Variants in RIIAD1 observed in about 807,000 individuals in gnomAD.
RIIAD1 encodes the protein regulatory subunit of type II PKA R-subunit domain containing 1.
RIIAD1 carries 15 observed loss-of-function variants against 13.3 expected under a neutral mutation model. The observed-to-expected ratio is 1.13, with a 90% CI of 0.76 to 1.74. RIIAD1 has a LOEUF of 1.74. RIIAD1 is among the 40% of genes most tolerant of loss of function. The probability of loss-of-function intolerance (pLI) is 0.00; values close to 1 mark genes in which losing one functional copy is unlikely to be tolerated. For missense variants in RIIAD1, 121 were observed against 112.2 expected (o/e 1.08, Z -0.35); for synonymous variants, 50 against 43.3 (o/e 1.16, Z -0.61).
intron 2 of RIIAD1, 26 bp from the exon 3 acceptor site, chr1:151,727,549 C>T: frequency 1.3e-6 from 2 of 1,504,798 alleles, no homozygotes; most frequent in South Asian, 1.2e-5. Flanking sequence ...ACTTTACCTC[C>T]CATCCTATCC....
upstream of RIIAD1, chr1:151,719,715 TAGTG>T: frequency 1.4e-6 from 1 of 695,628 alleles, no homozygotes; most frequent in Non-Finnish European, 2.6e-6. Context: ...CAATACATAA[TAGTG>T]AGTACTGAGA....
At chr1:151,727,669 G>C in intron 3 of RIIAD1, 48 bp downstream of exon 3, 1 of 1,311,740 alleles carries the variant, frequency 7.6e-7, no homozygotes, top group Non-Finnish European at 1.1e-6. Flanking sequence ...GCCAGCGCAG[G>C]GAGCATGATT....
At chr1:151,722,831 G>A (rs1192911681) in intron 2 of RIIAD1, among the ~76,000 whole-genome samples, 1 of 152,208 alleles carries the variant, frequency 6.6e-6, no homozygotes, top group African/African-American at 2.4e-5. Context: ...CTTGTGGAGT[G>A]TGTTTGTGTT....
intron 2 of RIIAD1, among the ~76,000 whole-genome samples, chr1:151,725,107 CTTTTTTTTTTT>C (rs71759600): frequency 1.2e-5 from 1 of 84,678 alleles, no homozygotes; most frequent in Non-Finnish European, 2.1e-5. Context: ...CGCACCTCGC[CTTTTTTTTTTT>C]TTTTTTTTTG....
At chr1:151,716,085 C>G in intron 4 of RIIAD1, 2 of 1,507,492 alleles carry the variant, frequency 1.3e-6, no homozygotes, top group Non-Finnish European at 1.8e-6. Flanking sequence ...GGGGAGCTGC[C>G]CAGCAAGGAG....
upstream of RIIAD1, among the ~76,000 whole-genome samples, chr1:151,721,215 C>T (rs1253029414): frequency 6.6e-6 from 1 of 152,220 alleles, no homozygotes; most frequent in Non-Finnish European, 1.5e-5. Context: ...CCTCTAGCTT[C>T]TGTCCAAGTG....
At chr1:151,727,668 G>A in intron 3 of RIIAD1, 47 bp downstream of exon 3, 1 of 1,321,194 alleles carries the variant, frequency 7.6e-7, no homozygotes, top group Non-Finnish European at 1.1e-6. Flanking sequence ...AGCCAGCGCA[G>A]GGAGCATGAT....
intron 3 of RIIAD1, chr1:151,728,537 C>T: frequency 2.0e-6 from 1 of 508,386 alleles, no homozygotes; most frequent in Non-Finnish European, 3.5e-6. Context: ...AGGCAGCCAG[C>T]CTCTGGGAGC....
intron 3 of RIIAD1, chr1:151,728,440 C>A: frequency 3.0e-6 from 1 of 338,886 alleles, no homozygotes; most frequent in South Asian, 4.4e-5. Flanking sequence ...GCTCTCTGTG[C>A]GTCAGCAGGC....
chr1:151,715,562 A>G (rs190114386), intron 4 of RIIAD1: 3 of 1,329,156 alleles, frequency 2.3e-6, no homozygotes, highest in East Asian at 8.4e-5. Flanking sequence ...TTATCTCCCA[A>G]ACCAGCTCTC....
chr1:151,728,508 CA>C, intron 3 of RIIAD1: 1 of 260,726 alleles, frequency 3.8e-6, no homozygotes, highest in Non-Finnish European at 6.2e-6. Context: ...GGGGTGGGGC[CA>C]GGCACAGCGT....
At chr1:151,721,682 C>A (rs1281199093) in intron 1 of RIIAD1, 62 bp downstream of exon 1, 2 of 1,041,606 alleles carry the variant, frequency 1.9e-6, no homozygotes, top group Admixed American at 3.9e-5. Context: ...GGACTGGGGC[C>A]CCAGACTGGG....
At chr1:151,724,525 T>G (rs1344051627) in intron 2 of RIIAD1, among the ~76,000 whole-genome samples, 2 of 152,222 alleles carry the variant, frequency 1.3e-5, no homozygotes, top group Non-Finnish European at 1.5e-5. Flanking sequence ...TCTGCAGATA[T>G]CTGCTGTTGA....
intron 2 of RIIAD1, among the ~76,000 whole-genome samples, chr1:151,712,359 C>A (rs1392437111): frequency 6.6e-6 from 1 of 152,268 alleles, no homozygotes; most frequent in Non-Finnish European, 1.5e-5. Context: ...CCTCACAGTT[C>A]TCACAAAATC....
intron 4 of RIIAD1, among the ~76,000 whole-genome samples, chr1:151,729,241 G>T (rs1325598133): frequency 6.6e-6 from 1 of 152,246 alleles, no homozygotes; most frequent in Non-Finnish European, 1.5e-5. Context: ...GTGTGACCTT[G>T]GTGGTGAGAG....
rs769033490 is a variant in RIIAD1 at position 151,722,164 on chromosome 1, T to G, written c.161+2T>G. 2 of 1,545,292 alleles carry G rather than the reference T, an allele frequency of 1.3e-6. No homozygotes were observed. Among genetic ancestry groups the G allele is most frequent in the South Asian group, 2.4e-5 (2 of 83,946 alleles). On this transcript the variant is annotated splice_donor_variant, in intron 2 of 4. Coordinates refer to ENST00000479191, the MANE Select transcript of RIIAD1 (RefSeq NM_001144956.3). LOFTEE classifies it high-confidence loss of function. ...GTGGCTCATAAGTGGTTTCTTCAGG[T>G]AGGTGGTTTTCCAGGCTCTGGGATT...
At chr1:151,727,327 C>A (rs2101515727) in intron 2 of RIIAD1, among the ~76,000 whole-genome samples, 1 of 152,282 alleles carries the variant, frequency 6.6e-6, no homozygotes, top group Admixed American at 6.5e-5. Context: ...TTGGCTGCAG[C>A]ACAGCTCTTT....
At chr1:151,715,640 C>G in intron 4 of RIIAD1, 1 of 1,495,654 alleles carries the variant, frequency 6.7e-7, no homozygotes, top group Non-Finnish European at 8.9e-7. Context: ...GGATCCACAT[C>G]TTTGCAGCCG....
Position 151,728,893 on chromosome 1 carries a change from G to C in RIIAD1, c.*57G>C, listed in dbSNP as rs924685847. 27 of 989,330 alleles carry C rather than the reference G, an allele frequency of 2.7e-5. No homozygotes were observed. The highest frequency in any genetic ancestry group is 4.3e-5 in the Non-Finnish European group (27 of 634,942). 61.3% of individuals were successfully genotyped at this position (989,330 alleles called of 1,614,324 possible). The stretch of plus-strand genomic sequence containing the variant: ...GAGACCAGACGGAATCCAGCCTCGG[G>C]GTGGGTGTTAACCTCACTTACAGAC... On this transcript the variant is annotated splice_region_variant and 3_prime_UTR_variant, in exon 4 of 5. Transcript: ENST00000479191.
Sources: allele counts gnomAD v4.1 joint callset (sites outside exome capture counted in the v4.1 genomes callset), GRCh38; gene constraint gnomAD v4.1.1; transcripts MANE v1.5; gene names NCBI Gene and HGNC (gene_info 2026-07-23, HGNC 2026-07-21).